Variants in FSHR observed in about 807,000 individuals in gnomAD.
FSHR encodes the protein follicle stimulating hormone receptor.
In FSHR, 46 loss-of-function variants were observed where a neutral mutation model predicts 52.1. That is an observed-to-expected ratio of 0.88 (90% CI 0.70 to 1.13). The LOEUF (loss-of-function observed/expected upper bound fraction) is 1.13, where lower values mean the gene tolerates loss of function less well. Ranked by LOEUF, FSHR falls within the 50% of genes most tolerant of loss-of-function variation. The pLI, the probability that FSHR is intolerant of heterozygous loss-of-function variation, is 0.00. For missense variants in FSHR, 964 were observed against 834.6 expected, an observed-to-expected ratio of 1.16 and a Z score of -1.91; for synonymous variants, 399 against 309.6, an observed-to-expected ratio of 1.29 and a Z score of -3.03.
chr2:48,989,017 T>C lies in FSHR; in HGVS notation c.484A>G (p.Arg162Gly), dbSNP rs760270443. ...AAGCTCAGCCCCACGAAAGAATTTC[T>C]TTCAATTGTGTGGATGTTTATGTTA... ...QDNINIHTIE[R>G]NSFVGLSFES... Residue 162 changes from arginine to glycine, a missense_variant, in exon 6 of 10, where the codon AGA becomes GGA. Physicochemically the swap from Arg to Gly is moderately radical, Grantham distance 125 (BLOSUM62 -2). Transcript: ENST00000406846. 4.3e-6 allele frequency: 7 copies of C among 1,614,048 alleles called. No homozygotes were observed. Among genetic ancestry groups the C allele is most frequent in the South Asian group, 1.1e-5 (1 of 91,076 alleles).
At chr2:49,019,054 G>C (rs1368517898) in intron 3 of FSHR, among the ~76,000 whole-genome samples, 1 of 152,176 alleles carries the variant, frequency 6.6e-6, no homozygotes, top group African/African-American at 2.4e-5. Flanking sequence ...AAATTAGGAG[G>C]TAGTTCATTG....
intron 1 of FSHR, among the ~76,000 whole-genome samples, chr2:49,115,990 G>A (rs184227253): frequency 1.2e-3 from 178 of 152,226 alleles, no homozygotes; most frequent in South Asian, 3.1e-3. Flanking sequence ...CTAATCCTGC[G>A]TTTGATTCAG....
chr2:48,982,767 T>C, intron 8 of FSHR, 145 bp downstream of exon 8: 1 of 736,942 alleles, frequency 1.4e-6, no homozygotes, highest in Non-Finnish European at 2.5e-6. Flanking sequence ...TTAAATTGTC[T>C]CTATAAATTT....
chr2:49,045,056 G>A (rs1368011727), intron 2 of FSHR, among the ~76,000 whole-genome samples: 2 of 152,188 alleles, frequency 1.3e-5, no homozygotes, highest in Non-Finnish European at 2.9e-5. Context: ...ACAATTAAAT[G>A]TGATCTGACA....
intron 2 of FSHR, among the ~76,000 whole-genome samples, chr2:49,051,307 A>G (rs891451944): frequency 2.6e-5 from 4 of 152,150 alleles, no homozygotes; most frequent in African/African-American, 9.6e-5. Context: ...CTCACCAAAC[A>G]TGTAGGAGAG....
rs750805783 is a variant in FSHR at position 48,982,915 on chromosome 2, A to G, written c.665T>C (p.Ile222Thr). 1.2e-6 allele frequency: 2 copies of G among 1,612,860 alleles called. No homozygotes were observed. Among genetic ancestry groups the G allele is most frequent in the East Asian group, 4.5e-5 (2 of 44,868 alleles). ...AGAAATGGGGAAAGCTACTCACAGA[A>G]TGACTGGTCCAGAGGCTCCGTGGAA... is the stretch of plus-strand genomic sequence containing the variant. ...DVFHGASGPV[I>T]LDISRTRIHS... The change falls in exon 8 of 10, where the codon ATT becomes ACT. Residue 222 changes from isoleucine (I) to threonine (T), a missense_variant. Coordinates refer to ENST00000406846, the MANE Select transcript of FSHR (RefSeq NM_000145.4).
rs1245942730 is a variant in FSHR at position 49,029,302 on chromosome 2, T to C, written c.225-9142A>G. On this transcript the variant is annotated intron_variant, in intron 2 of 9. Transcript: ENST00000406846. ...ACGGGCCCTTGGCTGTTTTATTCCC[T>C]TTTTCAACTGTTTCGTGAAAAAACA... is the stretch of plus-strand genomic sequence containing the variant. 7.2e-5 allele frequency among the ~76,000 whole-genome samples: 11 copies of C among 152,318 alleles called. No individual in the cohort carries two copies. The East Asian group carries it at 2.1e-3, about 29-fold the overall frequency.
intron 2 of FSHR, among the ~76,000 whole-genome samples, chr2:49,053,724 T>G (rs1668953952): frequency 6.6e-6 from 1 of 152,334 alleles, no homozygotes; most frequent in African/African-American, 2.4e-5. Flanking sequence ...CCCTGTTGAC[T>G]TCTGATAGAA....
intron 4 of FSHR, among the ~76,000 whole-genome samples, chr2:48,994,737 T>C (rs1675946322): frequency 6.6e-6 from 1 of 152,198 alleles, no homozygotes; most frequent in African/African-American, 2.4e-5. Context: ...CACTCAACCA[T>C]GGTTTATCTT....
At chr2:48,979,140 G>A (rs1341560117) in intron 8 of FSHR, among the ~76,000 whole-genome samples, 1 of 152,136 alleles carries the variant, frequency 6.6e-6, no homozygotes, top group African/African-American at 2.4e-5. Flanking sequence ...CTGACCTACT[G>A]AATCAAAAAT....
chr2:48,993,946 G>A (rs1675904359), intron 4 of FSHR, among the ~76,000 whole-genome samples: 1 of 152,118 alleles, frequency 6.6e-6, no homozygotes. Flanking sequence ...CAATATAACT[G>A]CATCTGTTTT....
intron 2 of FSHR, among the ~76,000 whole-genome samples, chr2:49,042,343 A>G (rs1392511205): frequency 6.6e-6 from 1 of 152,158 alleles, no homozygotes; most frequent in East Asian, 1.9e-4. Context: ...CTAGATAACA[A>G]TGGGGGAAGG....
intron 2 of FSHR, among the ~76,000 whole-genome samples, chr2:49,043,134 G>A (rs1459074700): frequency 6.6e-6 from 1 of 152,082 alleles, no homozygotes; most frequent in Non-Finnish European, 1.5e-5. Context: ...TCCCTTTATG[G>A]CTTCATTCCT....
rs560726019 is a variant in FSHR at position 49,016,595 on chromosome 2, T to C, written c.374+894A>G. On this transcript the variant is annotated intron_variant, in intron 4 of 9. Transcript: ENST00000406846. ...ATCCAGTTGATCTGCCAATTAACAA[T>C]AGATGTATAAATGAACTTAGCTGAG... is the stretch of plus-strand genomic sequence containing the variant. Among the ~76,000 whole-genome samples, 32 of 152,200 alleles carry C rather than the reference T, an allele frequency of 2.1e-4. No homozygotes were observed. The South Asian group carries it at 2.5e-3, about 12-fold the overall frequency.
intron 1 of FSHR, among the ~76,000 whole-genome samples, chr2:49,119,380 GTT>G (rs551581462): frequency 6.9e-6 from 1 of 145,896 alleles, no homozygotes; most frequent in South Asian, 2.2e-4. Flanking sequence ...GATCATCTTT[GTT>G]TTTTTTTTGT....
intron 2 of FSHR, among the ~76,000 whole-genome samples, chr2:49,059,388 A>T (rs1434591208): frequency 6.6e-6 from 1 of 151,526 alleles, no homozygotes; most frequent in Admixed American, 6.6e-5. Context: ...ACAAAGTTAT[A>T]GTAACCAAAA....
At chr2:49,027,747 G>T (rs138840055) in intron 2 of FSHR, among the ~76,000 whole-genome samples, 32 of 152,014 alleles carry the variant, frequency 2.1e-4, no homozygotes, top group African/African-American at 6.8e-4. Flanking sequence ...CTGCTCGAGA[G>T]GCTGAGGCAT....
chr2:49,038,971 C>T (rs888265062), intron 2 of FSHR, among the ~76,000 whole-genome samples: 3 of 152,040 alleles, frequency 2.0e-5, no homozygotes, highest in East Asian at 1.9e-4. Context: ...TTTTATTGTA[C>T]GTGTATTTGA....
rs535317132 is a variant in FSHR at position 49,058,016 on chromosome 2, C to T, written c.224+10203G>A. Among the ~76,000 whole-genome samples the T allele has an allele frequency of 5.9e-4, 89 of 152,068 alleles. 2 individuals carry two copies. In the South Asian group the frequency reaches 0.018, roughly 30 times the overall value. On this transcript the variant is annotated intron_variant, in intron 2 of 9. Coordinates refer to ENST00000406846, the MANE Select transcript of FSHR (RefSeq NM_000145.4). Reference sequence around the variant, plus strand: ...TAAATTAGGTATAGAAGGAAAGTACCGCAACTCAATAAAGGCCATATATGA... The same window carrying T: ...TAAATTAGGTATAGAAGGAAAGTACTGCAACTCAATAAAGGCCATATATGA...
Sources: gnomAD v4.1 joint callset for allele counts (sites outside exome capture counted in the v4.1 genomes callset) on GRCh38, gnomAD v4.1.1 for gene constraint, MANE v1.5 for transcripts, NCBI Gene and HGNC (gene_info 2026-07-23, HGNC 2026-07-21) for gene names.